Variants in PROSER2 observed in about 807,000 individuals in gnomAD.
The protein encoded by PROSER2 is proline and serine-rich protein 2.
A neutral mutation model predicts 14.6 loss-of-function variants in PROSER2; 18 were observed. That is an observed-to-expected ratio of 1.23 (90% CI 0.85 to 1.83). The LOEUF is 1.83. Ranked by LOEUF, PROSER2 falls within the 40% of genes most tolerant of loss-of-function variation. The pLI is 0.00. For missense variants in PROSER2, 823 were observed against 629.8 expected (o/e 1.31, Z -3.28); for synonymous variants, 367 against 286.4 (o/e 1.28, Z -2.84).
Position 11,830,218 on chromosome 10 carries a change from T to C in PROSER2, c.-82+6748T>C, listed in dbSNP as rs1375280202. ...CTTTTGGAGTCTCCCGTGTCCATTA[T>C]TTCACTCTGTGCATTTATGTGGACC... On this transcript the variant is annotated intron_variant, in intron 1 of 3. Coordinates refer to ENST00000277570, the MANE Select transcript of PROSER2 (RefSeq NM_153256.4). The surrounding 1 kb of genome is among the most constrained non-coding windows in gnomAD (Gnocchi z 4.5). 1.3e-5 allele frequency among the ~76,000 whole-genome samples: 2 copies of C among 152,186 alleles called. No homozygotes were observed. Among genetic ancestry groups the C allele is most frequent in the Non-Finnish European group, 2.9e-5 (2 of 68,020 alleles).
chr10:11,835,121 A>G (rs1000656638), intron 1 of PROSER2, among the ~76,000 whole-genome samples: 9 of 151,608 alleles, frequency 5.9e-5, no homozygotes, highest in African/African-American at 1.2e-4. Context: ...AAAAAAAAAA[A>G]AAAGAAAAAG....
chr10:11,867,573 G>A (rs1834377934), intron 3 of PROSER2, among the ~76,000 whole-genome samples: 1 of 152,194 alleles, frequency 6.6e-6, no homozygotes, highest in African/African-American at 2.4e-5. Flanking sequence ...GCAGTGAGCT[G>A]AGATCGTGCT....
At chr10:11,863,634 G>A (rs992662712) in intron 2 of PROSER2, among the ~76,000 whole-genome samples, 14 of 151,852 alleles carry the variant, frequency 9.2e-5, no homozygotes, top group Non-Finnish European at 1.6e-4. Context: ...GCATCAGTCC[G>A]CATGTACCAC....
Position 11,869,865 on chromosome 10 carries a change from ACAT to A in PROSER2, c.772_774del (p.Ile258del), listed in dbSNP as rs1224379852. ...CCCAAGGCACCCCGCTTCCCCAGCA[ACAT>A]CATCGTCACCAACGGCGCGGCCCGG... On this transcript the variant is annotated inframe_deletion, in exon 4 of 4. Transcript: ENST00000277570. The surrounding 1 kb of genome is among the most constrained non-coding windows in gnomAD (Gnocchi z 4.4). 2.6e-5 allele frequency: 41 copies of A among 1,594,790 alleles called. No individual in the cohort carries two copies. The highest frequency in any genetic ancestry group is 3.5e-5 in the Non-Finnish European group (41 of 1,172,754).
Position 11,869,794 on chromosome 10 carries a change from GC to G in PROSER2, c.700del (p.Arg234AlafsTer119). 6.4e-7 allele frequency: 1 copy of G among 1,554,392 alleles called. No homozygotes were observed. The highest frequency in any genetic ancestry group is 8.7e-7 in the Non-Finnish European group (1 of 1,151,822). On this transcript the variant is annotated frameshift_variant, in exon 4 of 4. Coordinates refer to ENST00000277570, the MANE Select transcript of PROSER2 (RefSeq NM_153256.4). LOFTEE classifies it low-confidence loss of function (END_TRUNC). The surrounding 1 kb of genome is among the most constrained non-coding windows in gnomAD (Gnocchi z 4.4). ...GEWRTPAARG[P>X]RSGDPGPGPS... ...AGTGGAGGACACCTGCCGCCCGGGGGCCCCGCAGTGGAGACCCTGGCCCGGG... is the reference window on the plus strand; with the variant it reads ...AGTGGAGGACACCTGCCGCCCGGGGGCCCGCAGTGGAGACCCTGGCCCGGG...
At chr10:11,855,932 G>A (rs986012056) in intron 2 of PROSER2, among the ~76,000 whole-genome samples, 1 of 152,188 alleles carries the variant, frequency 6.6e-6, no homozygotes, top group Admixed American at 6.5e-5. Context: ...AGTTGTGTGT[G>A]TGCATTTTTT....
Position 11,851,977 on chromosome 10 carries a change from T to G in PROSER2, c.-81-20T>G. ...AGTCTCGGCTTACTGACCATTGTCA[T>G]TCGTGTTTGGTGTCTCTAGGAGTGA... On this transcript the variant is annotated intron_variant, in intron 1 of 3. Coordinates refer to ENST00000277570, the MANE Select transcript of PROSER2 (RefSeq NM_153256.4). The G allele has an allele frequency of 7.9e-7, 1 of 1,270,384 alleles. No homozygotes were observed. The highest frequency in any genetic ancestry group is 1.0e-6 in the Non-Finnish European group (1 of 972,174). The allele number at this position is 1,270,384 out of a possible 1,614,324, so 78.7% of individuals were successfully genotyped here. A position where few individuals can be genotyped will look rare whatever the true frequency, so the allele number is the denominator to read the frequency against.
intron 1 of PROSER2, among the ~76,000 whole-genome samples, chr10:11,828,704 A>AAAAT (rs1014997458): frequency 1.3e-4 from 20 of 152,168 alleles, no homozygotes; most frequent in Admixed American, 5.2e-4. Context: ...CTTTATCTCC[A>AAAAT]AAATAAATAA....
chr10:11,824,166 C>A (rs1284251476), intron 1 of PROSER2, among the ~76,000 whole-genome samples: 2 of 151,876 alleles, frequency 1.3e-5, no homozygotes, highest in African/African-American at 4.8e-5. Context: ...AGGAACTAAC[C>A]TCAGAAAACT....
intron 1 of PROSER2, among the ~76,000 whole-genome samples, chr10:11,833,845 G>A (rs1189025409): frequency 1.3e-5 from 2 of 152,140 alleles, no homozygotes; most frequent in Admixed American, 6.6e-5. Context: ...GCAGACATGA[G>A]AGTCCGGCGG....
intron 2 of PROSER2, among the ~76,000 whole-genome samples, chr10:11,852,776 C>T (rs1185141654): frequency 6.7e-6 from 1 of 149,368 alleles, no homozygotes; most frequent in Non-Finnish European, 1.5e-5. Flanking sequence ...CCCACCTCAG[C>T]TTCCCAAAGT....
intron 1 of PROSER2, among the ~76,000 whole-genome samples, chr10:11,824,239 A>AGT (rs753080219): frequency 6.6e-6 from 1 of 152,098 alleles, no homozygotes; most frequent in African/African-American, 2.4e-5. Flanking sequence ...AAGGAAAATG[A>AGT]GTGTGTGTGT....
rs1588503206 is a variant in PROSER2 at position 11,870,055 on chromosome 10, C to T, written c.957C>T (p.Gly319=). The change falls in exon 4 of 4, where the codon GGC becomes GGT. Residue 319 remains glycine (G), a synonymous_variant. Transcript: ENST00000277570. ...GGSSPERVAR[G]RGLPGPAESL... The stretch of plus-strand genomic sequence containing the variant: ...CCTCCCCGGAGCGGGTGGCGCGTGG[C>T]CGGGGCCTGCCGGGCCCCGCTGAGA... 8.1e-7 allele frequency: 1 copy of T among 1,241,462 alleles called. No homozygotes were observed. The highest frequency in any genetic ancestry group is 1.0e-6 in the Non-Finnish European group (1 of 992,900). The allele number at this position is 1,241,462 out of a possible 1,614,324, so 76.9% of individuals were successfully genotyped here. A position where few individuals can be genotyped will look rare whatever the true frequency, so the allele number is the denominator to read the frequency against.
At chr10:11,835,840 T>A (rs1833753126) in intron 1 of PROSER2, among the ~76,000 whole-genome samples, 1 of 152,232 alleles carries the variant, frequency 6.6e-6, no homozygotes, top group African/African-American at 2.4e-5. Context: ...GTTTTGTGTT[T>A]ACTGATCTTT....
intron 3 of PROSER2, among the ~76,000 whole-genome samples, chr10:11,868,342 C>T (rs540151930): frequency 6.6e-6 from 1 of 152,320 alleles, no homozygotes; most frequent in East Asian, 1.9e-4. Flanking sequence ...ATGGCACAGT[C>T]CTGGCTCACT....
chr10:11,824,647 G>A (rs977306577), intron 1 of PROSER2, among the ~76,000 whole-genome samples: 1 of 152,214 alleles, frequency 6.6e-6, no homozygotes, highest in African/African-American at 2.4e-5. Context: ...TCTTGCCAAA[G>A]TTGACAGCGT....
At position 11,856,327 on chromosome 10, in the gene PROSER2, G is replaced by A. The variant is rs1315498317; in HGVS notation, c.138+4112G>A. ...TCACAAAACCCCCTGGGTGCACGGC[G>A]AGGGCACGGTGCTGCCTCACACCAG... On this transcript the variant is annotated intron_variant, in intron 2 of 3. Coordinates refer to ENST00000277570, the MANE Select transcript of PROSER2 (RefSeq NM_153256.4). The surrounding 1 kb of genome is among the most constrained non-coding windows in gnomAD (Gnocchi z 5.3). Among the ~76,000 whole-genome samples, 2 of 152,150 alleles carry A rather than the reference G, an allele frequency of 1.3e-5. No individual in the cohort carries two copies. The highest frequency in any genetic ancestry group is 2.4e-5 in the African/African-American group (1 of 41,436).
In PROSER2 at chr10:11,870,430, C is replaced by T; in HGVS notation, c.*24C>T. The stretch of plus-strand genomic sequence containing the variant: ...GAGGGCCGCGCGGGCTCCAGTCCAC[C>T]CCGTTTCTCCCCACCCTGAAGAGAG... On this transcript the variant is annotated 3_prime_UTR_variant, in exon 4 of 4. Transcript: ENST00000277570. The T allele has an allele frequency of 6.9e-7, 1 of 1,446,990 alleles. No individual in the cohort carries two copies. The highest frequency in any genetic ancestry group is 9.1e-7 in the Non-Finnish European group (1 of 1,101,474). 89.6% of individuals were successfully genotyped at this position (1,446,990 alleles called of 1,614,324 possible).
chr10:11,847,847 C>T (rs1310271965), intron 1 of PROSER2, among the ~76,000 whole-genome samples: 2 of 152,220 alleles, frequency 1.3e-5, no homozygotes, highest in African/African-American at 4.8e-5. Flanking sequence ...CAGCTTTTCT[C>T]TTCTTACCTG....
Sources: allele counts gnomAD v4.1 joint callset (sites outside exome capture counted in the v4.1 genomes callset), GRCh38; gene constraint gnomAD v4.1.1; non-coding constraint Gnocchi (gnomAD v3.1); transcripts MANE v1.5; gene names NCBI Gene and HGNC (gene_info 2026-07-23, HGNC 2026-07-21).